FAM13A: variants seen among roughly 807,000 people sequenced by gnomAD.
FAM13A encodes the protein family with sequence similarity 13 member A, also known as protein FAM13A.
In FAM13A, 76 loss-of-function variants were observed where a neutral mutation model predicts 129.6. The observed-to-expected ratio is 0.59, with a 90% CI of 0.49 to 0.71. The LOEUF (loss-of-function observed/expected upper bound fraction) is 0.71, where lower values mean the gene tolerates loss of function less well. Ranked by LOEUF, FAM13A falls within the 30% of genes least tolerant of loss-of-function variation. FAM13A has a pLI of 0.00. For missense variants in FAM13A, 1,108 were observed against 1,249.3 expected, an observed-to-expected ratio of 0.89 and a Z score of 1.70; for synonymous variants, 443 against 449.9, an observed-to-expected ratio of 0.98 and a Z score of 0.20.
chr4:88,750,397 G>T, intron 15 of FAM13A, 27 bp downstream of exon 15: 2 of 1,559,932 alleles, frequency 1.3e-6, no homozygotes, highest in Non-Finnish European at 1.8e-6. Flanking sequence ...TGATGCATTT[G>T]TCTATCAGCA....
intron 4 of FAM13A, 151 bp downstream of exon 4, chr4:88,990,822 G>T: frequency 1.9e-6 from 1 of 528,650 alleles, no homozygotes; most frequent in Non-Finnish European, 3.3e-6. Context: ...GAAAAACAAG[G>T]CTAACATGCC....
At chr4:88,785,512 G>A (rs1723788656) in intron 10 of FAM13A, among the ~76,000 whole-genome samples, 1 of 152,102 alleles carries the variant, frequency 6.6e-6, no homozygotes, top group Admixed American at 6.6e-5. Flanking sequence ...AGACCAAAGA[G>A]GAGATGCTGA....
chr4:88,750,655 TAAGATCAGGACTGTTCCTGA>T lies in FAM13A; in HGVS notation c.1727-38_1727-19del. The stretch of plus-strand genomic sequence containing the variant: ...GATAGGCTCTGGAAGATAAGGGCAG[TAAGATCAGGACTGTTCCTGA>T]AAGAGGTCAGGGTTGTTCTTTAAAA... On this transcript the variant is annotated intron_variant, in intron 14 of 23. Transcript: ENST00000264344. The T allele has an allele frequency of 5.8e-6, 9 of 1,552,862 alleles. No individual in the cohort carries two copies. The highest frequency in any genetic ancestry group is 1.7e-4 in the Middle Eastern group (1 of 5,932).
intron 8 of FAM13A, among the ~76,000 whole-genome samples, chr4:88,803,686 C>T (rs1727996389): frequency 6.6e-6 from 1 of 152,090 alleles, no homozygotes; most frequent in African/African-American, 2.4e-5. Context: ...GGCAGGAAAC[C>T]AGGATGAAAA....
chr4:88,945,964 CTGTG>C (rs763159585), intron 4 of FAM13A, among the ~76,000 whole-genome samples: 48 of 70,846 alleles, frequency 6.8e-4, no homozygotes, highest in African/African-American at 2.9e-3. Context: ...CACATAGTAT[CTGTG>C]TGTGTGTGTG....
chr4:88,800,940 T>G (rs972597062), intron 8 of FAM13A, among the ~76,000 whole-genome samples: 3 of 152,028 alleles, frequency 2.0e-5, no homozygotes, highest in Admixed American at 6.5e-5. Context: ...CTCTCCCATG[T>G]GATAATGAAG....
At chr4:88,796,793 T>C (rs528197931) in intron 8 of FAM13A, among the ~76,000 whole-genome samples, 1 of 152,054 alleles carries the variant, frequency 6.6e-6, no homozygotes, top group Admixed American at 6.6e-5. Flanking sequence ...TGTTCTAGTA[T>C]TGTTTTTGCT....
rs542882194 is a variant in FAM13A, at chr4:88,925,449, G to A, written c.759+12639C>T. 3.3e-4 allele frequency among the ~76,000 whole-genome samples: 49 copies of A among 150,746 alleles called. No homozygotes were observed. In the East Asian group the frequency reaches 6.1e-3, roughly 19 times the overall value. On this transcript the variant is annotated intron_variant, in intron 5 of 23. Coordinates refer to ENST00000264344, the MANE Select transcript of FAM13A (RefSeq NM_014883.4). ...AAATCATCATTCTCAGTAAACTATC[G>A]CAAGGACAAAAAACCAAACACTGCG...
chr4:88,991,080 G>A lies in FAM13A; in HGVS notation c.498C>T (p.Cys166=), dbSNP rs553242382. 6.2e-7 allele frequency: 1 copy of A among 1,613,444 alleles called. No individual in the cohort carries two copies. Among genetic ancestry groups the A allele is most frequent in the Admixed American group, 1.7e-5 (1 of 60,022 alleles). The part of the protein sequence containing the change: ...LIKELPDTHY[C]LLKYLCQFLT... ...AGAACTGGCAAAGGTACTTGAGGAG[G>A]CAGTAGTGGGTGTCTGGCAGCTCTT... Residue 166 remains cysteine (C), a synonymous_variant, in exon 4 of 24, where the codon TGC becomes TGT. Coordinates refer to ENST00000264344, the MANE Select transcript of FAM13A (RefSeq NM_014883.4).
chr4:89,034,753 G>T (rs1347876911), intron 1 of FAM13A, among the ~76,000 whole-genome samples: 1 of 152,108 alleles, frequency 6.6e-6, no homozygotes, highest in African/African-American at 2.4e-5. Context: ...GTGGTGGTGG[G>T]TGCCTGTAAT....
intron 10 of FAM13A, among the ~76,000 whole-genome samples, chr4:88,783,093 T>A (rs1723262984): frequency 6.6e-6 from 1 of 152,124 alleles, no homozygotes; most frequent in African/African-American, 2.4e-5. Context: ...AAATGAGGTA[T>A]CCATTCCATC....
At chr4:88,806,122 C>T (rs1202294385) in intron 7 of FAM13A, among the ~76,000 whole-genome samples, 1 of 152,054 alleles carries the variant, frequency 6.6e-6, no homozygotes, top group African/African-American at 2.4e-5. Flanking sequence ...TAAAATTATG[C>T]ACTCATAAAA....
intron 7 of FAM13A, among the ~76,000 whole-genome samples, chr4:88,841,636 T>C (rs556842349): frequency 6.0e-4 from 91 of 152,090 alleles, no homozygotes; most frequent in South Asian, 3.3e-3. Flanking sequence ...AAAGAAGATA[T>C]AGTATTGGCC....
rs1462289384 is a variant in FAM13A, at chr4:88,727,594, C to T, written c.*939G>A. The stretch of plus-strand genomic sequence containing the variant: ...CTCAGGAGGCTGAGAACACAGGCCC[C>T]TTCTCTCCCCGATCCTCTGTATGCA... On this transcript the variant is annotated 3_prime_UTR_variant, in exon 24 of 24. Transcript: ENST00000264344. 6.6e-6 allele frequency: 1 copy of T among 152,452 alleles called. No individual in the cohort carries two copies. Among genetic ancestry groups the T allele is most frequent in the Non-Finnish European group, 1.5e-5 (1 of 68,044 alleles). 9.4% of individuals were successfully genotyped at this position (152,452 alleles called of 1,614,324 possible).
chr4:88,867,516 T>C (rs1740655091), intron 6 of FAM13A, among the ~76,000 whole-genome samples: 1 of 152,258 alleles, frequency 6.6e-6, no homozygotes, highest in Non-Finnish European at 1.5e-5. Context: ...TCTCATTACG[T>C]GTATTTTTTG....
At chr4:88,817,392 G>A (rs1417440088) in intron 7 of FAM13A, among the ~76,000 whole-genome samples, 5 of 151,794 alleles carry the variant, frequency 3.3e-5, no homozygotes, top group East Asian at 1.9e-4. Context: ...GTGAAACCTC[G>A]TCTCTACGAA....
chr4:89,019,566 G>A (rs769053411), intron 3 of FAM13A, among the ~76,000 whole-genome samples: 5 of 151,874 alleles, frequency 3.3e-5, no homozygotes, highest in African/African-American at 1.2e-4. Context: ...TTTGAGACCA[G>A]CCTGGCCAAC....
At chr4:88,851,511 G>A (rs1044848874) in intron 6 of FAM13A, among the ~76,000 whole-genome samples, 3 of 151,928 alleles carry the variant, frequency 2.0e-5, no homozygotes. Flanking sequence ...TGATATGGGA[G>A]TATGTCAGAC....
intron 2 of FAM13A, among the ~76,000 whole-genome samples, chr4:89,026,017 A>T (rs1165744385): frequency 2.6e-5 from 4 of 152,218 alleles, no homozygotes; most frequent in Non-Finnish European, 5.9e-5. Context: ...TACACAATAA[A>T]AGTATGATCA....
Sources: allele counts gnomAD v4.1 joint callset (sites outside exome capture counted in the v4.1 genomes callset), GRCh38; gene constraint gnomAD v4.1.1; transcripts MANE v1.5; gene names NCBI Gene and HGNC (gene_info 2026-07-23, HGNC 2026-07-21).